The following SETX variants were observed in gnomAD, a reference collection of about 807,000 sequenced individuals.
SETX encodes helicase senataxin.
Under a neutral mutation model 227.2 loss-of-function variants are expected in SETX, and 90 were observed. That is an observed-to-expected ratio of 0.40 (90% CI 0.33 to 0.47). The LOEUF is 0.47. Among genes scored for constraint, SETX ranks in the 20% least tolerant of loss-of-function variants. The probability of loss-of-function intolerance (pLI) is 0.91; values close to 1 mark genes in which losing one functional copy is unlikely to be tolerated. For missense variants in SETX, 3,052 were observed against 3,181.5 expected (o/e 0.96, Z 0.98); for synonymous variants, 1,210 against 1,113.2 (o/e 1.09, Z -1.73).
At position 132,329,428 on chromosome 9, in the gene SETX, T is replaced by C. The variant is rs1395203295; in HGVS notation, c.2170A>G (p.Lys724Glu). Reference sequence around the variant, plus strand: ...GGACCATTTCTTGAAGTACAGTCCTTTGGTGTATATGAAGAGATCTCTTTT... The same window carrying C: ...GGACCATTTCTTGAAGTACAGTCCTCTGGTGTATATGAAGAGATCTCTTTT... Reference protein sequence around the residue: ...SVKEISSYTPKDCTSRNGPER... With the variant: ...SVKEISSYTPEDCTSRNGPER... The change falls in exon 10 of 26, where the codon AAG becomes GAG. Residue 724 changes from lysine (K) to glutamate (E), a missense_variant. By Grantham distance (56) the Lys-to-Glu change is moderately conservative. Around this residue, in one of 10 missense-constraint regions of SETX, gnomAD observed 1,483 missense variants for 1,312.0 expected, o/e 1.13. Transcript: ENST00000224140. The C allele has an allele frequency of 1.2e-6, 2 of 1,613,688 alleles. No individual in the cohort carries two copies. Among genetic ancestry groups the C allele is most frequent in the Admixed American group, 1.7e-5 (1 of 60,024 alleles).
chr9:132,356,572 G>A (rs1452499266), upstream of SETX, among the ~76,000 whole-genome samples: 1 of 152,118 alleles, frequency 6.6e-6, no homozygotes, highest in Non-Finnish European at 1.5e-5. Context: ...GTTAATAGAG[G>A]AGACAGGGAA....
At chr9:132,281,889 G>C (rs111932721) in intron 19 of SETX, among the ~76,000 whole-genome samples, 1 of 151,890 alleles carries the variant, frequency 6.6e-6, no homozygotes, top group Non-Finnish European at 1.5e-5. Flanking sequence ...GGGCGTGGTG[G>C]CAAGTGCCTG....
At chr9:132,301,297 C>A (rs1157629244) in intron 11 of SETX, among the ~76,000 whole-genome samples, 1 of 151,798 alleles carries the variant, frequency 6.6e-6, no homozygotes, top group Non-Finnish European at 1.5e-5. Context: ...CTGTGTTAGC[C>A]AGGATGGTCT....
chr9:132,298,099 G>A lies in SETX; in HGVS notation c.5762C>T (p.Thr1921Ile). The A allele has an allele frequency of 6.2e-7, 1 of 1,613,456 alleles. No individual in the cohort carries two copies. ...ACTCACAATTCTCTCAGATGTTGTAGTCAGTAAATCTTTTGTACAGAAGTC... is the reference window on the plus strand; with the variant it reads ...ACTCACAATTCTCTCAGATGTTGTAATCAGTAAATCTTTTGTACAGAAGTC... The part of the protein sequence containing the change: ...PMDFCTKDLL[T>I]TTSERIIAYL... Residue 1921 changes from threonine (T) to isoleucine (I), a missense_variant, in exon 13 of 26, where the codon ACT (threonine) becomes ATT (isoleucine). Thr to Ile is a moderately conservative substitution (Grantham distance 89). This residue lies in a region of SETX where 239 missense variants were observed against 272.1 expected (regional missense o/e 0.88). Transcript: ENST00000224140.
intron 18 of SETX, among the ~76,000 whole-genome samples, chr9:132,284,774 T>C (rs777357401): frequency 3.3e-5 from 5 of 152,068 alleles, no homozygotes; most frequent in African/African-American, 4.8e-5. Context: ...TCTACTTCTA[T>C]CCAGGTTGGA....
At chr9:132,290,488 C>T (rs1166954915) in intron 15 of SETX, among the ~76,000 whole-genome samples, 1 of 145,294 alleles carries the variant, frequency 6.9e-6, no homozygotes, top group Non-Finnish European at 1.5e-5. Flanking sequence ...GGCAGGAGAA[C>T]TGCTTGAACC....
chr9:132,275,208 C>T, intron 23 of SETX, 48 bp downstream of exon 23: 1 of 1,578,982 alleles, frequency 6.3e-7, no homozygotes, highest in Non-Finnish European at 8.7e-7. Flanking sequence ...TATATCCTCT[C>T]ATTCTAATTC....
At chr9:132,331,221 T>C (rs1307068599) in intron 8 of SETX, 56 bp downstream of exon 8, 3 of 1,609,884 alleles carry the variant, frequency 1.9e-6, no homozygotes, top group African/African-American at 1.3e-5. Context: ...GTAATCTAGC[T>C]GGAACACACT....
At chr9:132,281,872 A>C (rs1843534269) in intron 19 of SETX, among the ~76,000 whole-genome samples, 1 of 151,938 alleles carries the variant, frequency 6.6e-6, no homozygotes. Context: ...AACCAAAAAA[A>C]TTAGCTGGGC....
Position 132,315,692 on chromosome 9 carries a change from C to T in SETX, c.5275-3836G>A, listed in dbSNP as rs1845924845. ...GGTTTCCAACTTAACCACTGCTGCA[C>T]AAAAATTGTCCACCCATCAAACTCA... On this transcript the variant is annotated intron_variant, in intron 10 of 25. Transcript: ENST00000224140. 3.3e-5 allele frequency among the ~76,000 whole-genome samples: 5 copies of T among 152,304 alleles called. No homozygotes were observed. In the South Asian group the frequency reaches 8.3e-4, roughly 25 times the overall value.
At chr9:132,288,142 C>G in intron 17 of SETX, 94 bp downstream of exon 17, 1 of 1,009,346 alleles carries the variant, frequency 9.9e-7, no homozygotes, top group Non-Finnish European at 1.5e-6. Context: ...TGCTACTGCA[C>G]TCCAGCCTGG....
rs748607857 is a variant in SETX at position 132,329,064 on chromosome 9, G to C, written c.2534C>G (p.Pro845Arg). 6.2e-7 allele frequency: 1 copy of C among 1,609,610 alleles called. No individual in the cohort carries two copies. Among genetic ancestry groups the C allele is most frequent in the South Asian group, 1.1e-5 (1 of 90,768 alleles). ...DGFIHNLSLD[P>R]SGVLDDKNGE... is the part of the protein sequence containing the mutation. ...ATTCTTATCATCCAGAACACCACTA[G>C]GGTCTAAAGAAAGATTGTGTATGAA... Residue 845 changes from proline to arginine, a missense_variant, in exon 10 of 26, where the codon CCT becomes CGT. By Grantham distance (103) the Pro-to-Arg change is moderately radical. Around this residue, in one of 10 missense-constraint regions of SETX, gnomAD observed 1,483 missense variants for 1,312.0 expected, o/e 1.13. Transcript: ENST00000224140.
chr9:132,306,376 C>T (rs190508487), intron 11 of SETX, among the ~76,000 whole-genome samples: 29 of 152,270 alleles, frequency 1.9e-4, no homozygotes, highest in African/African-American at 6.7e-4. Flanking sequence ...CCACACCCGG[C>T]TAATTTTGTA....
intron 20 of SETX, among the ~76,000 whole-genome samples, chr9:132,279,907 A>C (rs1843401241): frequency 6.6e-6 from 1 of 152,194 alleles, no homozygotes; most frequent in Non-Finnish European, 1.5e-5. Flanking sequence ...TGCCACCTTT[A>C]AACAAAACCA....
Position 132,346,406 on chromosome 9 carries a change from A to G in SETX, c.243T>C (p.Ile81=), listed in dbSNP as rs748443054. Residue 81 remains isoleucine (I), a synonymous_variant, in exon 4 of 26, where the codon ATT becomes ATC. Transcript: ENST00000224140. ...CTATATATAACTCATCATCATCTCCAATTTCTGCCTTCATGGATTTTTCAA... is the reference window on the plus strand; with the variant it reads ...CTATATATAACTCATCATCATCTCCGATTTCTGCCTTCATGGATTTTTCAA... ...NHFEKSMKAE[I]GDDDELYIVD... 6.2e-7 allele frequency: 1 copy of G among 1,613,754 alleles called. No individual in the cohort carries two copies. The highest frequency in any genetic ancestry group is 1.1e-5 in the South Asian group (1 of 91,070).
intron 24 of SETX, 102 bp from the exon 25 acceptor site, chr9:132,269,804 C>T (rs1489683777): frequency 7.6e-6 from 9 of 1,185,112 alleles, no homozygotes; most frequent in Non-Finnish European, 1.1e-5. Context: ...CCGTGTCTGA[C>T]AGAGGTGGAA....
chr9:132,268,187 G>T (rs2131131039), intron 25 of SETX, among the ~76,000 whole-genome samples: 1 of 152,280 alleles, frequency 6.6e-6, no homozygotes, highest in South Asian at 2.1e-4. Flanking sequence ...GATAACTATA[G>T]ATTTACAGGA....
rs542446251 is a variant in SETX at position 132,325,078 on chromosome 9, C to T, written c.5274+1246G>A. On this transcript the variant is annotated intron_variant, in intron 10 of 25. Coordinates refer to ENST00000224140, the MANE Select transcript of SETX (RefSeq NM_015046.7). ...CTGTGATGAGTAAGAAACTGGCGGC[C>T]AGACGCAGTGGCTCACGCCTGTAAT... Among the ~76,000 whole-genome samples the T allele has an allele frequency of 6.2e-4, 95 of 152,282 alleles. 1 individual carries two copies. The highest frequency in any genetic ancestry group is 6.2e-3 in the Admixed American group (95 of 15,292).
At position 132,328,008 on chromosome 9, in the gene SETX, T is replaced by C. The variant is rs760721823; in HGVS notation, c.3590A>G (p.Asp1197Gly). 1.2e-6 allele frequency: 2 copies of C among 1,613,804 alleles called. No homozygotes were observed. The highest frequency in any genetic ancestry group is 2.7e-5 in the African/African-American group (2 of 74,898). Residue 1197 changes from aspartate (D) to glycine (G), a missense_variant, in exon 10 of 26, where the codon GAT becomes GGT. This residue lies in a region of SETX where 1,483 missense variants were observed against 1,312.0 expected (regional missense o/e 1.13). Transcript: ENST00000224140. Reference sequence around the variant, plus strand: ...AGTCCTTCTATCAATACTTTTAAAATCATTTCCCACAAGATCTCTCTTATT... The same window carrying C: ...AGTCCTTCTATCAATACTTTTAAAACCATTTCCCACAAGATCTCTCTTATT... ...DTNKRDLVGNDFKSIDRRTST... is the reference protein window; with the variant it reads ...DTNKRDLVGNGFKSIDRRTST...
Sources: gnomAD v4.1 joint callset for allele counts (sites outside exome capture counted in the v4.1 genomes callset) on GRCh38, gnomAD v4.1.1 for gene constraint, gnomAD v4.1.1 regional missense constraint, MANE v1.5 for transcripts, NCBI Gene and HGNC (gene_info 2026-07-23, HGNC 2026-07-21) for gene names.